TMEM74: variants seen among roughly 807,000 people sequenced by gnomAD.
TMEM74 encodes the protein transmembrane protein 74.
In TMEM74, 13 loss-of-function variants were observed where a neutral mutation model predicts 18.1. That is an observed-to-expected ratio of 0.72 (90% CI 0.47 to 1.14). The LOEUF is 1.14. Among genes scored for constraint, TMEM74 ranks in the 50% most tolerant of loss-of-function variants. TMEM74 has a pLI of 0.00. For missense variants in TMEM74, 372 were observed against 375.9 expected (o/e 0.99, Z 0.09); for synonymous variants, 159 against 146.6 (o/e 1.08, Z -0.61).
At chr8:108,617,656 A>G (rs1812398336) in intron 2 of TMEM74, among the ~76,000 whole-genome samples, 1 of 152,140 alleles carries the variant, frequency 6.6e-6, no homozygotes, top group Admixed American at 6.6e-5. Context: ...CTGATCTAAC[A>G]GGAAGAACCC....
Position 108,784,936 on chromosome 8 carries a change from T to C in TMEM74, c.163A>G (p.Met55Val), listed in dbSNP as rs1215245506. The change falls in exon 2 of 2, where the codon ATG becomes GTG. Residue 55 changes from methionine to valine, a missense_variant. Physicochemically the swap from Met to Val is conservative, Grantham distance 21. Coordinates refer to ENST00000297459, the MANE Select transcript of TMEM74 (RefSeq NM_153015.3). ...GAAGAACTAAGTTTAGACCCTTCCA[T>C]CTCGGTTGCTCTTGGGGTGGATGCA... ...QCASTPRATEMEGSKLSSSPA... is the reference protein window; with the variant it reads ...QCASTPRATEVEGSKLSSSPA... 6.2e-7 allele frequency: 1 copy of C among 1,613,980 alleles called. No homozygotes were observed. The highest frequency in any genetic ancestry group is 8.5e-7 in the Non-Finnish European group (1 of 1,180,020).
intron 1 of TMEM74, among the ~76,000 whole-genome samples, chr8:108,698,001 C>G (rs1813297365): frequency 6.6e-6 from 1 of 152,164 alleles, no homozygotes; most frequent in South Asian, 2.1e-4. Context: ...AGTGCCTGGA[C>G]TCTGTGTCTC....
rs80078205 is a variant in TMEM74, at chr8:108,618,178, A to G, written n.265-9352T>C. Among the ~76,000 whole-genome samples, 7 of 152,234 alleles carry G rather than the reference A, an allele frequency of 4.6e-5. No individual in the cohort carries two copies. In the East Asian group the frequency reaches 1.4e-3, roughly 29 times the overall value. On this transcript the variant is annotated intron_variant and non_coding_transcript_variant, in intron 2 of 3. Coordinates refer to the TMEM74 transcript ENST00000518838. Reference sequence around the variant, plus strand: ...CTTTGATATACTCCATGATTCTTTTATCAACTCCAGAGGCTATATTTTGAA... The same window carrying G: ...CTTTGATATACTCCATGATTCTTTTGTCAACTCCAGAGGCTATATTTTGAA...
At chr8:108,690,753 G>A (rs575742150) in intron 1 of TMEM74, among the ~76,000 whole-genome samples, 41 of 152,152 alleles carry the variant, frequency 2.7e-4, no homozygotes, top group Admixed American at 2.0e-3. Context: ...CCCGGGAGGC[G>A]GAGGTTGCAG....
At chr8:108,649,940 G>T (rs1472305049) in intron 2 of TMEM74, among the ~76,000 whole-genome samples, 1 of 152,108 alleles carries the variant, frequency 6.6e-6, no homozygotes, top group Non-Finnish European at 1.5e-5. Flanking sequence ...GAGGCCATCA[G>T]ATATTAACAG....
At chr8:108,736,160 C>T (rs924010748) in intron 1 of TMEM74, among the ~76,000 whole-genome samples, 108 of 152,228 alleles carry the variant, frequency 7.1e-4, no homozygotes, top group Middle Eastern at 3.4e-3. Context: ...AGACCCCTAG[C>T]TCACCATTAT....
At chr8:108,612,392 G>T (rs1279205381) in intron 2 of TMEM74, among the ~76,000 whole-genome samples, 1 of 152,134 alleles carries the variant, frequency 6.6e-6, no homozygotes, top group African/African-American at 2.4e-5. Context: ...AACAAATGGT[G>T]ATTATTTGAT....
chr8:108,623,880 C>T (rs1163643379), intron 2 of TMEM74, among the ~76,000 whole-genome samples: 1 of 152,068 alleles, frequency 6.6e-6, no homozygotes, highest in Non-Finnish European at 1.5e-5. Flanking sequence ...CAACACCCTA[C>T]ACAGGGCACT....
intron 1 of TMEM74, among the ~76,000 whole-genome samples, chr8:108,720,533 T>C (rs986517659): frequency 1.2e-4 from 18 of 152,296 alleles, no homozygotes; most frequent in African/African-American, 4.3e-4. Flanking sequence ...CCCATAGCCA[T>C]TGTAGAAATA....
chr8:108,760,051 T>C (rs930211267), intron 1 of TMEM74, among the ~76,000 whole-genome samples: 5 of 151,928 alleles, frequency 3.3e-5, no homozygotes, highest in African/African-American at 1.2e-4. Flanking sequence ...CACATGCCTG[T>C]AGTTGTAGCT....
At chr8:108,656,653 C>T (rs1482842784) in intron 1 of TMEM74, among the ~76,000 whole-genome samples, 1 of 152,144 alleles carries the variant, frequency 6.6e-6, no homozygotes, top group Non-Finnish European at 1.5e-5. Context: ...GACCAAAGTA[C>T]ATCCCTCAGT....
intron 2 of TMEM74, among the ~76,000 whole-genome samples, chr8:108,639,861 A>G (rs1032235731): frequency 6.6e-5 from 10 of 152,198 alleles, no homozygotes; most frequent in South Asian, 6.2e-4. Context: ...TAGAATTTTT[A>G]ATGTATTGGA....
At chr8:108,711,886 G>T (rs550514449) in intron 1 of TMEM74, among the ~76,000 whole-genome samples, 1 of 152,228 alleles carries the variant, frequency 6.6e-6, no homozygotes, top group East Asian at 1.9e-4. Flanking sequence ...CCCAAGTCTA[G>T]GGTATGGGTG....
intron 1 of TMEM74, among the ~76,000 whole-genome samples, chr8:108,758,385 C>T (rs929345650): frequency 2.0e-5 from 3 of 152,000 alleles, no homozygotes; most frequent in Non-Finnish European, 4.4e-5. Flanking sequence ...AGGCTTAACT[C>T]TCTTGACCTC....
At chr8:108,738,008 A>G (rs547265865) in intron 1 of TMEM74, among the ~76,000 whole-genome samples, 1 of 151,884 alleles carries the variant, frequency 6.6e-6, no homozygotes, top group African/African-American at 2.4e-5. Flanking sequence ...TTCATAAACT[A>G]CTCTGGTTTT....
chr8:108,630,072 G>A (rs1334196792), intron 2 of TMEM74, among the ~76,000 whole-genome samples: 1 of 151,978 alleles, frequency 6.6e-6, no homozygotes, highest in East Asian at 1.9e-4. Context: ...CCATCAATGT[G>A]CTGTATTCAG....
At chr8:108,702,841 G>GT (rs559516778) in intron 1 of TMEM74, among the ~76,000 whole-genome samples, 1 of 140,750 alleles carries the variant, frequency 7.1e-6, no homozygotes, top group African/African-American at 2.6e-5. Context: ...TGGTAAGCAC[G>GT]TTTTTTCTGT....
intron 1 of TMEM74, among the ~76,000 whole-genome samples, chr8:108,659,633 T>C (rs899127250): frequency 9.2e-5 from 14 of 152,154 alleles, no homozygotes; most frequent in Non-Finnish European, 1.5e-4. Context: ...TACAACTAAT[T>C]GGTTACAGGT....
chr8:108,616,684 C>A (rs1812387266), intron 2 of TMEM74, among the ~76,000 whole-genome samples: 1 of 152,098 alleles, frequency 6.6e-6, no homozygotes, highest in African/African-American at 2.4e-5. Context: ...CAACACATAC[C>A]ACCTTAGAAG....
Sources: allele counts gnomAD v4.1 joint callset (sites outside exome capture counted in the v4.1 genomes callset), GRCh38; gene constraint gnomAD v4.1.1; transcripts MANE v1.5; gene names NCBI Gene and HGNC (gene_info 2026-07-23, HGNC 2026-07-21).